Variants in NDFIP2 observed in about 807,000 individuals in gnomAD.
NDFIP2 encodes NEDD4 family-interacting protein 2.
Under a neutral mutation model 36.0 loss-of-function variants are expected in NDFIP2, and 19 were observed. The observed-to-expected ratio is 0.53, with a 90% CI of 0.37 to 0.77. The LOEUF is 0.77. Ranked by LOEUF, NDFIP2 falls within the 30% of genes least tolerant of loss-of-function variation. The probability of loss-of-function intolerance (pLI) is 0.00; values close to 1 mark genes in which losing one functional copy is unlikely to be tolerated. For missense variants in NDFIP2, 446 were observed against 435.8 expected, an observed-to-expected ratio of 1.02 and a Z score of -0.21; for synonymous variants, 181 against 167.7, an observed-to-expected ratio of 1.08 and a Z score of -0.61.
At chr13:79,516,688 C>A (rs1874353773) in intron 1 of NDFIP2, among the ~76,000 whole-genome samples, 3 of 151,992 alleles carry the variant, frequency 2.0e-5, no homozygotes, top group Non-Finnish European at 2.9e-5. Flanking sequence ...AGTTCTCTTC[C>A]TGTAGGTCTA....
chr13:79,481,331 C>T lies in NDFIP2; in HGVS notation c.128C>T (p.Ala43Val). The T allele has an allele frequency of 6.5e-7, 1 of 1,546,408 alleles. No homozygotes were observed. The highest frequency in any genetic ancestry group is 8.7e-7 in the Non-Finnish European group (1 of 1,147,100). Residue 43 changes from alanine (A) to valine (V), a missense_variant, in exon 1 of 8, where the codon GCC (alanine) becomes GTC (valine). Ala to Val is a moderately conservative substitution (Grantham distance 64, BLOSUM62 0). This residue lies in a region of NDFIP2 where 369 missense variants were observed against 304.8 expected (regional missense o/e 1.21). Coordinates refer to ENST00000218652, the MANE Select transcript of NDFIP2 (RefSeq NM_019080.3). ...NAEVSAAAAGATGSEELPPGD... is the reference protein window; with the variant it reads ...NAEVSAAAAGVTGSEELPPGD... ...GAGGTCTCGGCGGCCGCTGCGGGAG[C>T]CACAGGAAGTGAAGAGCTTCCGCCG...
intron 3 of NDFIP2, among the ~76,000 whole-genome samples, chr13:79,536,449 T>C (rs1195098252): frequency 1.3e-5 from 2 of 152,152 alleles, no homozygotes; most frequent in East Asian, 1.9e-4. Flanking sequence ...TGTGGGAAAA[T>C]AGAAAGAGGA....
intron 1 of NDFIP2, among the ~76,000 whole-genome samples, chr13:79,516,299 G>C (rs992478706): frequency 6.6e-6 from 1 of 152,114 alleles, no homozygotes; most frequent in Non-Finnish European, 1.5e-5. Flanking sequence ...TGTCACCCAG[G>C]CTGGGGTGCA....
chr13:79,484,056 C>T (rs939235499), intron 1 of NDFIP2, among the ~76,000 whole-genome samples: 1 of 152,058 alleles, frequency 6.6e-6, no homozygotes, highest in Non-Finnish European at 1.5e-5. Context: ...GTGTCTGTCA[C>T]TCAGGCTGGA....
In NDFIP2 at chr13:79,503,412, G is replaced by A. The variant is rs183411289; in HGVS notation, c.322-17398G>A. 5.9e-5 allele frequency among the ~76,000 whole-genome samples: 9 copies of A among 152,230 alleles called. No individual in the cohort carries two copies. In the East Asian group the frequency reaches 1.5e-3, roughly 26 times the overall value. On this transcript the variant is annotated intron_variant, in intron 1 of 7. Transcript: ENST00000218652. ...CTAGAGAATTGAGGGTGCAGTTGAA[G>A]GTCATACAAGTTTTGCATTTTATAG... is the stretch of plus-strand genomic sequence containing the variant.
chr13:79,499,626 T>C (rs1397872623), intron 1 of NDFIP2, among the ~76,000 whole-genome samples: 3 of 151,904 alleles, frequency 2.0e-5, no homozygotes, highest in Non-Finnish European at 2.9e-5. Context: ...CATAATACTG[T>C]TAGCATCCCC....
chr13:79,522,192 C>T (rs1004479807), intron 2 of NDFIP2, among the ~76,000 whole-genome samples: 2 of 152,106 alleles, frequency 1.3e-5, no homozygotes, highest in African/African-American at 4.8e-5. Context: ...CAGTTTTATG[C>T]ACAGTTTTTA....
intron 2 of NDFIP2, among the ~76,000 whole-genome samples, chr13:79,527,499 C>G (rs1052536974): frequency 6.6e-6 from 1 of 152,018 alleles, no homozygotes; most frequent in African/African-American, 2.4e-5. Flanking sequence ...ACATTTTGGC[C>G]AGCAACAGAC....
At chr13:79,529,355 G>A (rs1269305063) in intron 2 of NDFIP2, among the ~76,000 whole-genome samples, 1 of 151,994 alleles carries the variant, frequency 6.6e-6, no homozygotes, top group Non-Finnish European at 1.5e-5. Context: ...TCTATCTTGA[G>A]TATTAAAACC....
At chr13:79,530,450 A>ATG (rs1566664076) in intron 2 of NDFIP2, among the ~76,000 whole-genome samples, 1 of 152,184 alleles carries the variant, frequency 6.6e-6, no homozygotes, top group African/African-American at 2.4e-5. Context: ...TAAGACAGCA[A>ATG]TGAAGTTTGC....
At chr13:79,549,410 G>GTA (rs1162727590) in intron 6 of NDFIP2, among the ~76,000 whole-genome samples, 4 of 151,732 alleles carry the variant, frequency 2.6e-5, no homozygotes, top group East Asian at 1.9e-4. Flanking sequence ...ACATTTGTGT[G>GTA]TATATATATA....
intron 1 of NDFIP2, among the ~76,000 whole-genome samples, chr13:79,495,381 A>G (rs189114211): frequency 6.6e-6 from 1 of 152,038 alleles, no homozygotes; most frequent in Non-Finnish European, 1.5e-5. Context: ...CTGCTCTCTT[A>G]TGAAATGTCC....
At chr13:79,533,199 A>C (rs2137100771) in intron 2 of NDFIP2, 124 bp from the exon 3 acceptor site, 1 of 641,276 alleles carries the variant, frequency 1.6e-6, no homozygotes, top group South Asian at 3.3e-5. Flanking sequence ...TATAGCTTAT[A>C]ACATAGGCCT....
At position 79,485,315 on chromosome 13, in the gene NDFIP2, C is replaced by A. The variant is rs573117021; in HGVS notation, c.321+3791C>A. On this transcript the variant is annotated intron_variant, in intron 1 of 7. Transcript: ENST00000218652. Reference sequence around the variant, plus strand: ...CACTGTGGTTGCCTGATCTTTGTTCCCTGTGTAACTTATTAGAAGAAACAG... The same window carrying A: ...CACTGTGGTTGCCTGATCTTTGTTCACTGTGTAACTTATTAGAAGAAACAG... 7.4e-4 allele frequency among the ~76,000 whole-genome samples: 113 copies of A among 152,208 alleles called. 1 individual carries two copies. The highest frequency in any genetic ancestry group is 2.7e-3 in the African/African-American group (112 of 41,516).
At chr13:79,498,683 A>G (rs757520340) in intron 1 of NDFIP2, among the ~76,000 whole-genome samples, 2 of 151,910 alleles carry the variant, frequency 1.3e-5, no homozygotes, top group Non-Finnish European at 2.9e-5. Flanking sequence ...TTTATCAAGA[A>G]CCTACTCCTG....
chr13:79,494,304 T>C (rs910991752), intron 1 of NDFIP2, among the ~76,000 whole-genome samples: 1 of 152,098 alleles, frequency 6.6e-6, no homozygotes, highest in Non-Finnish European at 1.5e-5. Context: ...ATTAAATGTA[T>C]GAAAACCATC....
intron 2 of NDFIP2, among the ~76,000 whole-genome samples, chr13:79,525,787 A>G (rs1874771539): frequency 6.6e-6 from 1 of 152,242 alleles, no homozygotes; most frequent in Non-Finnish European, 1.5e-5. Flanking sequence ...GAATATTTCT[A>G]GATTGCAGTC....
intron 4 of NDFIP2, among the ~76,000 whole-genome samples, chr13:79,540,365 CAA>C (rs1875408180): frequency 6.6e-6 from 1 of 152,092 alleles, no homozygotes; most frequent in South Asian, 2.1e-4. Flanking sequence ...AAGACTGTGT[CAA>C]AGTCTTCATT....
At position 79,517,411 on chromosome 13, in the gene NDFIP2, T is replaced by TCTCAAGTAGAATTGTCTAATAC. The variant is rs1566660565; in HGVS notation, c.322-3399_322-3398insCTCAAGTAGAATTGTCTAATAC. Among the ~76,000 whole-genome samples, 1,026 of 152,346 alleles carry TCTCAAGTAGAATTGTCTAATAC rather than the reference T, an allele frequency of 6.7e-3. 16 individuals are homozygous for TCTCAAGTAGAATTGTCTAATAC. The highest frequency in any genetic ancestry group is 0.023 in the African/African-American group (948 of 41,570). On this transcript the variant is annotated intron_variant, in intron 1 of 7. Transcript: ENST00000218652. Reference sequence around the variant, plus strand: ...TGGAGAACATGATTAAGAAAAATTATTCTCAAGTAGAATTGTCTAATTTGA... The same window carrying TCTCAAGTAGAATTGTCTAATAC: ...TGGAGAACATGATTAAGAAAAATTATCTCAAGTAGAATTGTCTAATACTCTCAAGTAGAATTGTCTAATTTGA...
Sources: gnomAD v4.1 joint callset for allele counts (sites outside exome capture counted in the v4.1 genomes callset) on GRCh38, gnomAD v4.1.1 for gene constraint, gnomAD v4.1.1 regional missense constraint, MANE v1.5 for transcripts, NCBI Gene and HGNC (gene_info 2026-07-23, HGNC 2026-07-21) for gene names.